The following SYNE2 variants were observed in gnomAD, a reference collection of about 807,000 sequenced individuals.
SYNE2 encodes the protein nesprin-2.
Under a neutral mutation model 856.3 loss-of-function variants are expected in SYNE2, and 431 were observed. The observed-to-expected ratio is 0.50, with a 90% CI of 0.47 to 0.55. The LOEUF is 0.55. Among genes scored for constraint, SYNE2 ranks in the 20% least tolerant of loss-of-function variants. The pLI, the probability that SYNE2 is intolerant of heterozygous loss-of-function variation, is 0.00. For missense variants in SYNE2, 8,129 were observed against 8,023.2 expected (o/e 1.01, Z -0.50); for synonymous variants, 2,923 against 2,872.3 (o/e 1.02, Z -0.56).
rs769271860 is a variant in SYNE2 at position 64,048,068 on chromosome 14, T to C, written c.7290T>C (p.Thr2430=). 9 of 1,613,776 alleles carry C rather than the reference T, an allele frequency of 5.6e-6. No homozygotes were observed. Among genetic ancestry groups the C allele is most frequent in the Non-Finnish European group, 7.6e-6 (9 of 1,179,806 alleles). The part of the protein sequence containing the change: ...SLNAQESMKN[T]EDERKVNELQ... ...ATGCTCAAGAAAGCATGAAAAACAC[T>C]GAAGATGAGCGGAAAGTCAATGAGC... The change falls in exon 46 of 116, where the codon ACT becomes ACC. Residue 2430 remains threonine, a synonymous_variant. Transcript: ENST00000555002.
chr14:63,996,765 C>T (rs183226479), intron 23 of SYNE2, among the ~76,000 whole-genome samples, 182 bp from the exon 24 acceptor site: 10 of 152,184 alleles, frequency 6.6e-5, no homozygotes, highest in East Asian at 3.9e-4. Flanking sequence ...GTTACTGAAC[C>T]GGAAATTCCT....
intron 72 of SYNE2, 22 bp downstream of exon 72, chr14:64,126,501 C>T: frequency 2.5e-6 from 4 of 1,614,112 alleles, no homozygotes; most frequent in South Asian, 2.2e-5. Flanking sequence ...CTCACGAGCC[C>T]ATGTGTTGGC....
At chr14:63,851,576 C>G (rs35302448), upstream of SYNE2, among the ~76,000 whole-genome samples, 16,346 of 152,160 alleles carry the variant, frequency 0.11, 980 homozygotes, top group African/African-American at 0.16. Flanking sequence ...AAATAATTTG[C>G]CTGAATCATC....
intron 78 of SYNE2, among the ~76,000 whole-genome samples, chr14:64,134,441 T>G (rs1218314983): frequency 6.6e-6 from 1 of 152,188 alleles, no homozygotes; most frequent in Admixed American, 6.5e-5. Flanking sequence ...TTATCACTTC[T>G]GTGACCTTGC....
chr14:63,851,993 GAATGAAAT>G (rs1890540736), upstream of SYNE2, among the ~76,000 whole-genome samples: 2 of 18,504 alleles, frequency 1.1e-4, no homozygotes, highest in Non-Finnish European at 9.3e-5. Flanking sequence ...GGGGGGGGGG[GAATGAAAT>G]GGATGAAATG....
Position 63,865,717 on chromosome 14 carries a change from C to G in SYNE2, c.-52+12574C>G, listed in dbSNP as rs565242825. Among the ~76,000 whole-genome samples the G allele has an allele frequency of 4.8e-3, 522 of 109,752 alleles. 28 individuals carry two copies. Among genetic ancestry groups the G allele is most frequent in the African/African-American group, 0.018 (503 of 27,192 alleles). The allele number at this position is 109,752 out of a possible 152,430, so 72.0% of individuals were successfully genotyped here. A position where few individuals can be genotyped will look rare whatever the true frequency, so the allele number is the denominator to read the frequency against. On this transcript the variant is annotated intron_variant, in intron 1 of 115. Transcript: ENST00000555002. ...ACAAGAGCAAAACTCTGTACCCACC[C>G]CCCCCCCAAAAAAAAAGAAAAGAAA...
At chr14:64,001,234 T>C (rs963038751) in intron 28 of SYNE2, among the ~76,000 whole-genome samples, 3 of 152,356 alleles carry the variant, frequency 2.0e-5, no homozygotes, top group Admixed American at 6.5e-5. Context: ...ATTTGTAATA[T>C]GGAAATATAA....
At chr14:64,142,587 G>A (rs1355824953) in intron 82 of SYNE2, among the ~76,000 whole-genome samples, 36 of 152,112 alleles carry the variant, frequency 2.4e-4, no homozygotes. Context: ...TGGATTAGAT[G>A]TCTCCATGAT....
intron 2 of SYNE2, among the ~76,000 whole-genome samples, chr14:63,938,119 A>T (rs1047340534): frequency 6.6e-6 from 1 of 152,108 alleles, no homozygotes; most frequent in Admixed American, 6.5e-5. Context: ...CGAGAAACTG[A>T]GGGGCCAGGA....
chr14:64,003,550 G>A (rs1325629309), intron 30 of SYNE2, among the ~76,000 whole-genome samples: 1 of 152,166 alleles, frequency 6.6e-6, no homozygotes, highest in East Asian at 1.9e-4. Context: ...TCTTTAAAGT[G>A]TATCTTATGG....
chr14:63,842,463 C>CT (rs34615295), intron 1 of SYNE2, among the ~76,000 whole-genome samples: 41 of 147,966 alleles, frequency 2.8e-4, no homozygotes, highest in East Asian at 6.0e-4. Flanking sequence ...TCTTTTTCTC[C>CT]TTTTTTTTTT....
intron 19 of SYNE2, among the ~76,000 whole-genome samples, chr14:63,987,322 C>G (rs966085506): frequency 5.3e-5 from 8 of 152,072 alleles, no homozygotes; most frequent in Non-Finnish European, 7.4e-5. Context: ...AGCCACTCTC[C>G]TTTCCTTACT....
intron 61 of SYNE2, among the ~76,000 whole-genome samples, chr14:64,097,638 C>A (rs1411605854): frequency 6.6e-6 from 1 of 152,244 alleles, no homozygotes; most frequent in Non-Finnish European, 1.5e-5. Flanking sequence ...TAGCTCCCAA[C>A]CCTGGCCGCA....
chr14:64,209,719 T>G (rs2098630034), intron 102 of SYNE2, 141 bp downstream of exon 102: 1 of 1,298,922 alleles, frequency 7.7e-7, no homozygotes, highest in South Asian at 1.3e-5. Flanking sequence ...TGCCCCCAGC[T>G]GCTGAGACAG....
intron 99 of SYNE2, among the ~76,000 whole-genome samples, chr14:64,201,575 G>A (rs961988090): frequency 6.6e-6 from 1 of 152,132 alleles, no homozygotes; most frequent in African/African-American, 2.4e-5. Flanking sequence ...TTCAGGGTAG[G>A]GCAGGGACTA....
chr14:64,167,004 C>T (rs750429825), intron 90 of SYNE2: 3 of 577,834 alleles, frequency 5.2e-6, no homozygotes, highest in East Asian at 3.0e-5. Context: ...TTTCTATTTC[C>T]TGGGCTGTTT....
At position 64,165,319 on chromosome 14, in the gene SYNE2, G is replaced by A. The variant is rs552897930; in HGVS notation, c.16514G>A (p.Arg5505Gln). The A allele has an allele frequency of 4.3e-6, 7 of 1,613,844 alleles. No individual in the cohort carries two copies. Among genetic ancestry groups the A allele is most frequent in the African/African-American group, 1.3e-5 (1 of 74,974 alleles). The change falls in exon 90 of 116, where the codon CGG becomes CAG. Residue 5505 changes from arginine (R) to glutamine (Q), a missense_variant. Arg to Gln is a conservative substitution (Grantham distance 43). Transcript: ENST00000555002. The part of the protein sequence containing the change: ...VLSQFKDFGV[R>Q]LESLKGLIMH... ...TCACAGTTTAAGGATTTTGGAGTCCGGCTGGAATCTTTAAAAGGTCTTATT... is the reference window on the plus strand; with the variant it reads ...TCACAGTTTAAGGATTTTGGAGTCCAGCTGGAATCTTTAAAAGGTCTTATT...
At chr14:64,023,200 A>G (rs2096950505) in intron 38 of SYNE2, 2 of 270,636 alleles carry the variant, frequency 7.4e-6, no homozygotes, top group South Asian at 9.2e-5. Flanking sequence ...AGATCATGCC[A>G]CTGCACTCCA....
intron 78 of SYNE2, among the ~76,000 whole-genome samples, chr14:64,136,959 T>TGCTGCTCAGTTACAGCCGCC (rs1265265366): frequency 6.6e-6 from 1 of 152,198 alleles, no homozygotes; most frequent in Non-Finnish European, 1.5e-5. Context: ...AGCCAGCAGC[T>TGCTGCTCAGTTACAGCCGCC]GCTGCTCAGT....
Sources: gnomAD v4.1 joint callset for allele counts (sites outside exome capture counted in the v4.1 genomes callset) on GRCh38, gnomAD v4.1.1 for gene constraint, MANE v1.5 for transcripts, NCBI Gene and HGNC (gene_info 2026-07-23, HGNC 2026-07-21) for gene names.